Variants in PCDHAC2 observed in about 807,000 individuals in gnomAD.
PCDHAC2 encodes the protein protocadherin alpha subfamily C, 2, also known as protocadherin alpha-C2.
A neutral mutation model predicts 63.3 loss-of-function variants in PCDHAC2; 24 were observed. The ratio of observed to expected loss-of-function variants is 0.38; its 90% CI spans 0.27 to 0.53. PCDHAC2 has a LOEUF of 0.53. Ranked by LOEUF, PCDHAC2 falls within the 20% of genes least tolerant of loss-of-function variation. The pLI is 0.81. For missense variants in PCDHAC2, 1,181 were observed against 1,275.2 expected (o/e 0.93, Z 1.12); for synonymous variants, 569 against 529.4 (o/e 1.07, Z -1.03).
At chr5:141,002,600 A>G (rs1269340072) in intron 3 of PCDHAC2, among the ~76,000 whole-genome samples, 1 of 152,204 alleles carries the variant, frequency 6.6e-6, no homozygotes, top group Non-Finnish European at 1.5e-5. Flanking sequence ...CCCCTCATCT[A>G]TAAAACAGAC....
At chr5:140,976,586 T>C (rs1029704575) in intron 1 of PCDHAC2, among the ~76,000 whole-genome samples, 2 of 151,988 alleles carry the variant, frequency 1.3e-5, no homozygotes, top group Non-Finnish European at 2.9e-5. Flanking sequence ...AAACACAGAC[T>C]TTTGTGTTAA....
chr5:141,001,706 C>T (rs2098033561), intron 3 of PCDHAC2, among the ~76,000 whole-genome samples: 1 of 151,850 alleles, frequency 6.6e-6, no homozygotes, highest in African/African-American at 2.4e-5. Flanking sequence ...AAATAGGGGG[C>T]GGGGAAGGAG....
chr5:140,968,323 C>G lies in PCDHAC2; in HGVS notation c.1557C>G (p.Thr519=). 1 of 1,614,114 alleles carries G rather than the reference C, an allele frequency of 6.2e-7. No homozygotes were observed. The highest frequency in any genetic ancestry group is 8.5e-7 in the Non-Finnish European group (1 of 1,180,016). The change falls in exon 1 of 4, where the codon ACC becomes ACG. Residue 519 remains threonine (T), a synonymous_variant. Transcript: ENST00000289269. ...GGGAGATTCAAGGGCTGCCAGTCAC[C>G]TCCTATGTCTCCATTAACAGTGCCA... is the stretch of plus-strand genomic sequence containing the variant. ...LEREIQGLPV[T]SYVSINSASG...
intron 3 of PCDHAC2, among the ~76,000 whole-genome samples, chr5:140,997,525 A>G (rs1293979369): frequency 6.6e-6 from 1 of 152,242 alleles, no homozygotes; most frequent in African/African-American, 2.4e-5. Flanking sequence ...AAAAAGTACA[A>G]TAAAAATACA....
In PCDHAC2 at chr5:140,966,627, C is replaced by G; in HGVS notation, c.-140C>G. ...TGGGAGGGCCTACGGAGGGAGCGGC[C>G]CCAGGCGCTTTCTAGAGCGTGAGCG... On this transcript the variant is annotated 5_prime_UTR_variant, in exon 1 of 4. Coordinates refer to ENST00000289269, the MANE Select transcript of PCDHAC2 (RefSeq NM_018899.6). 6 of 951,596 alleles carry G rather than the reference C, an allele frequency of 6.3e-6. No individual in the cohort carries two copies. The highest frequency in any genetic ancestry group is 8.6e-6 in the Non-Finnish European group (6 of 695,238). 58.9% of individuals were successfully genotyped at this position (951,596 alleles called of 1,614,324 possible). A position where few individuals can be genotyped will look rare whatever the true frequency, so the allele number is the denominator to read the frequency against.
intron 3 of PCDHAC2, among the ~76,000 whole-genome samples, chr5:140,989,535 GTT>G (rs2097346543): frequency 6.6e-6 from 1 of 152,178 alleles, no homozygotes; most frequent in Non-Finnish European, 1.5e-5. Context: ...GAGGAAGATA[GTT>G]TGTAATTCCT....
intron 3 of PCDHAC2, among the ~76,000 whole-genome samples, chr5:140,984,315 C>G (rs1254013417): frequency 1.3e-5 from 2 of 152,124 alleles, no homozygotes; most frequent in African/African-American, 4.8e-5. Flanking sequence ...GTGTGTATTC[C>G]TAGGCAAATG....
At chr5:140,976,884 A>T (rs1423993981) in intron 1 of PCDHAC2, among the ~76,000 whole-genome samples, 1 of 152,232 alleles carries the variant, frequency 6.6e-6, no homozygotes, top group Non-Finnish European at 1.5e-5. Context: ...AAGAATTAGG[A>T]TACATGCAAC....
intron 3 of PCDHAC2, among the ~76,000 whole-genome samples, chr5:140,998,568 A>AG (rs1167593072): frequency 3.1e-5 from 3 of 96,370 alleles, no homozygotes; most frequent in African/African-American, 1.3e-4. Context: ...ATTGTAAATA[A>AG]GTTTTTTTTT....
At chr5:140,969,847 A>G (rs2096364168) in intron 1 of PCDHAC2, among the ~76,000 whole-genome samples, 1 of 152,150 alleles carries the variant, frequency 6.6e-6, no homozygotes. Flanking sequence ...TATCTAGTTA[A>G]TATTTCTGGT....
chr5:140,967,671 A>G lies in PCDHAC2; in HGVS notation c.905A>G (p.Asp302Gly). 6.2e-7 allele frequency: 1 copy of G among 1,614,130 alleles called. No homozygotes were observed. Among genetic ancestry groups the G allele is most frequent in the Non-Finnish European group, 8.5e-7 (1 of 1,180,020 alleles). The change falls in exon 1 of 4, where the codon GAC becomes GGC. Residue 302 changes from aspartate (D) to glycine (G), a missense_variant. Asp to Gly is a moderately conservative substitution (Grantham distance 94). This residue lies in a region of PCDHAC2 where 968 missense variants were observed against 1,073.5 expected (regional missense o/e 0.90). Coordinates refer to ENST00000289269, the MANE Select transcript of PCDHAC2 (RefSeq NM_018899.6). ...LRYSLSSYTS[D>G]RERQLFSIDA... The stretch of plus-strand genomic sequence containing the variant: ...TACTCCTTGAGCAGCTACACGTCGG[A>G]CCGGGAGAGGCAGCTCTTCAGCATA...
At position 140,967,001 on chromosome 5, in the gene PCDHAC2, A is replaced by G. The variant is rs1048933252; in HGVS notation, c.235A>G (p.Ile79Val). ...LRRLGPGCLR[I>V]NHLGAPSPRY... ...GCGCTTGGGGCCGGGTTGCTTGCGC[A>G]TCAACCATCTGGGTGCGCCCAGTCC... Residue 79 changes from isoleucine (I) to valine (V), a missense_variant, in exon 1 of 4, where the codon ATC (isoleucine) becomes GTC (valine). Around this residue, in one of 3 missense-constraint regions of PCDHAC2, gnomAD observed 210 missense variants for 184.9 expected, o/e 1.14. Transcript: ENST00000289269. 3.1e-6 allele frequency: 5 copies of G among 1,605,060 alleles called. No individual in the cohort carries two copies. The highest frequency in any genetic ancestry group is 2.2e-5 in the East Asian group (1 of 44,732).
At chr5:140,972,854 G>C (rs895738831) in intron 1 of PCDHAC2, among the ~76,000 whole-genome samples, 1 of 151,946 alleles carries the variant, frequency 6.6e-6, no homozygotes, top group African/African-American at 2.4e-5. Context: ...AGTAGAGATG[G>C]GGTTTCATCA....
chr5:141,006,794 A>G (rs1416356472), intron 3 of PCDHAC2, among the ~76,000 whole-genome samples: 1 of 152,160 alleles, frequency 6.6e-6, no homozygotes, highest in African/African-American at 2.4e-5. Context: ...ATTAGCTTTG[A>G]ACTTTCTGGC....
At chr5:140,986,738 G>T (rs1483741648) in intron 3 of PCDHAC2, among the ~76,000 whole-genome samples, 1 of 152,168 alleles carries the variant, frequency 6.6e-6, no homozygotes, top group Admixed American at 6.5e-5. Flanking sequence ...AAGACCCCAG[G>T]GGATCTGGGA....
Position 140,969,185 on chromosome 5 carries a change from A to G in PCDHAC2, c.2419A>G (p.Met807Val), listed in dbSNP as rs782632936. 1.9e-6 allele frequency: 3 copies of G among 1,613,974 alleles called. No homozygotes were observed. The highest frequency in any genetic ancestry group is 1.1e-5 in the South Asian group (1 of 91,072). ...LTAGSGSDTF[M>V]FYNTGAQTGP... ...AGCAGGCTCAGGGAGTGACACTTTCATGTTTTACAATACAGGGGCCCAGAC... is the reference window on the plus strand; with the variant it reads ...AGCAGGCTCAGGGAGTGACACTTTCGTGTTTTACAATACAGGGGCCCAGAC... The change falls in exon 1 of 4, where the codon ATG (methionine) becomes GTG (valine). Residue 807 changes from methionine (M) to valine (V), a missense_variant. Transcript: ENST00000289269.
At chr5:140,982,097 C>A (rs1313290841) in intron 2 of PCDHAC2, among the ~76,000 whole-genome samples, 1 of 152,194 alleles carries the variant, frequency 6.6e-6, no homozygotes, top group Non-Finnish European at 1.5e-5. Flanking sequence ...AACAAGAGAA[C>A]CTGCAAGAGA....
At chr5:140,971,603 C>T (rs1353988698) in intron 1 of PCDHAC2, among the ~76,000 whole-genome samples, 1 of 152,072 alleles carries the variant, frequency 6.6e-6, no homozygotes, top group Non-Finnish European at 1.5e-5. Context: ...CTACAGATGG[C>T]AGGAGAGTCC....
At chr5:141,000,183 A>G (rs2097895175) in intron 3 of PCDHAC2, among the ~76,000 whole-genome samples, 1 of 151,898 alleles carries the variant, frequency 6.6e-6, no homozygotes, top group Non-Finnish European at 1.5e-5. Context: ...CAAGGAGTCA[A>G]TGTGAGAATA....
Sources: gnomAD v4.1 joint callset for allele counts (sites outside exome capture counted in the v4.1 genomes callset) on GRCh38, gnomAD v4.1.1 for gene constraint, gnomAD v4.1.1 regional missense constraint, MANE v1.5 for transcripts, NCBI Gene and HGNC (gene_info 2026-07-23, HGNC 2026-07-21) for gene names.